The following TIAM1 variants were observed in gnomAD, a reference collection of about 807,000 sequenced individuals.
The protein encoded by TIAM1 is TIAM Rac1 associated GEF 1, also known as rho guanine nucleotide exchange factor TIAM1.
TIAM1 carries 65 observed loss-of-function variants against 163.5 expected under a neutral mutation model. The observed-to-expected ratio is 0.40, with a 90% CI of 0.33 to 0.49. The LOEUF is 0.49. TIAM1 is among the 20% of genes least tolerant of loss of function. TIAM1 has a pLI of 0.77. For synonymous variants in TIAM1, 833 were observed against 810.1 expected, an observed-to-expected ratio of 1.03 and a Z score of -0.48; for missense variants, 1,789 against 2,044.7, an observed-to-expected ratio of 0.87 and a Z score of 2.41.
chr21:31,345,892 G>C (rs1251186584), upstream of TIAM1, among the ~76,000 whole-genome samples: 3 of 152,196 alleles, frequency 2.0e-5, no homozygotes, highest in Non-Finnish European at 4.4e-5. Flanking sequence ...GGAGGTTGCA[G>C]TGAGCCAAGA....
At chr21:31,500,177 AAAAT>A (rs1475000368) in intron 1 of TIAM1, among the ~76,000 whole-genome samples, 1 of 152,100 alleles carries the variant, frequency 6.6e-6, no homozygotes, top group Non-Finnish European at 1.5e-5. Flanking sequence ...AAAATAAAAT[AAAAT>A]AAATAAAAAC....
intron 12 of TIAM1, among the ~76,000 whole-genome samples, chr21:31,196,517 T>G (rs9974671): frequency 6.8e-6 from 1 of 148,112 alleles, no homozygotes. Flanking sequence ...GATGGGGTTT[T>G]GCCATGTTGG....
At chr21:31,134,669 T>C (rs1389779651) in intron 23 of TIAM1, among the ~76,000 whole-genome samples, 1 of 152,020 alleles carries the variant, frequency 6.6e-6, no homozygotes, top group East Asian at 1.9e-4. Flanking sequence ...TGCCACCACA[T>C]CCAGCTAATT....
chr21:31,250,174 A>G (rs2071721574), intron 5 of TIAM1, among the ~76,000 whole-genome samples: 1 of 151,218 alleles, frequency 6.6e-6, no homozygotes, highest in Admixed American at 6.6e-5. Context: ...AAAAAAAAGA[A>G]AAAGATAATG....
chr21:31,268,724 C>A (rs115224935), intron 3 of TIAM1, among the ~76,000 whole-genome samples: 1 of 152,176 alleles, frequency 6.6e-6, no homozygotes, highest in East Asian at 1.9e-4. Context: ...AAGATAAAAA[C>A]GAAAAGATCA....
intron 2 of TIAM1, among the ~76,000 whole-genome samples, chr21:31,399,988 A>G (rs1403510081): frequency 1.3e-5 from 2 of 152,176 alleles, no homozygotes; most frequent in East Asian, 1.9e-4. Context: ...ACTCACACAT[A>G]TAAGTCAGAG....
At chr21:31,525,898 G>A (rs1485266267) in intron 1 of TIAM1, among the ~76,000 whole-genome samples, 1 of 151,940 alleles carries the variant, frequency 6.6e-6, no homozygotes, top group Non-Finnish European at 1.5e-5. Context: ...GCTGGGCTTG[G>A]TGGCGGGCGC....
intron 26 of TIAM1, among the ~76,000 whole-genome samples, chr21:31,125,501 T>C (rs113810275): frequency 0.035 from 5,349 of 152,330 alleles, 331 homozygotes; most frequent in African/African-American, 0.12. Flanking sequence ...TGTTGACCTC[T>C]GTCACCCAAC....
chr21:31,293,142 T>C (rs1488420031), intron 2 of TIAM1, among the ~76,000 whole-genome samples: 1 of 152,078 alleles, frequency 6.6e-6, no homozygotes, highest in African/African-American at 2.4e-5. Context: ...CTTTAAAGAA[T>C]TGGCTCATGC....
At chr21:31,408,352 G>A (rs1203826271) in intron 2 of TIAM1, among the ~76,000 whole-genome samples, 5 of 152,108 alleles carry the variant, frequency 3.3e-5, no homozygotes, top group Non-Finnish European at 7.4e-5. Flanking sequence ...TGATATCAAG[G>A]GGACAAGCCA....
At chr21:31,405,417 C>T (rs546119170) in intron 2 of TIAM1, among the ~76,000 whole-genome samples, 8 of 152,240 alleles carry the variant, frequency 5.3e-5, no homozygotes, top group East Asian at 1.9e-4. Context: ...CACCCTGGAC[C>T]GGTTCCTTTG....
chr21:31,228,220 TAAAAAAAAAAAAAAAAA>T lies in TIAM1; in HGVS notation c.1585-2287_1585-2271del, dbSNP rs71191197. The stretch of plus-strand genomic sequence containing the variant: ...GCCACCATGCCCGGCCTCCTTTTTT[TAAAAAAAAAAAAAAAAA>T]AAAAAAAAAAAAAAAAAAAAAAGGA... On this transcript the variant is annotated intron_variant, in intron 6 of 27. Coordinates refer to ENST00000541036, the MANE Select transcript of TIAM1 (RefSeq NM_001353694.2). Among the ~76,000 whole-genome samples the T allele has an allele frequency of 2.6e-3, 43 of 16,256 alleles. 2 individuals are homozygous for T. In the East Asian group the frequency reaches 0.036, roughly 14 times the overall value. 10.7% of individuals were successfully genotyped at this position (16,256 alleles called of 152,430 possible).
At chr21:31,185,637 TATG>T (rs1314175555) in intron 14 of TIAM1, among the ~76,000 whole-genome samples, 19 of 145,612 alleles carry the variant, frequency 1.3e-4, no homozygotes, top group Non-Finnish European at 1.9e-4. Flanking sequence ...TATATCATTA[TATG>T]ATAATTATAT....
At chr21:31,480,716 G>T (rs1056376082) in intron 1 of TIAM1, among the ~76,000 whole-genome samples, 3 of 152,082 alleles carry the variant, frequency 2.0e-5, no homozygotes, top group Non-Finnish European at 4.4e-5. Context: ...CAGACTGGGG[G>T]ATTCAACAAC....
chr21:31,450,732 G>A (rs941161776), intron 2 of TIAM1, among the ~76,000 whole-genome samples: 7 of 152,188 alleles, frequency 4.6e-5, no homozygotes, highest in Non-Finnish European at 8.8e-5. Flanking sequence ...GGCGAAACGC[G>A]TGCCTTACAT....
At chr21:31,142,641 AAAAAAG>A (rs1366758509) in intron 20 of TIAM1, among the ~76,000 whole-genome samples, 4 of 151,322 alleles carry the variant, frequency 2.6e-5, no homozygotes, top group Non-Finnish European at 4.4e-5. Context: ...AAAAAAAAAA[AAAAAAG>A]AAAGAAAAAA....
chr21:31,226,131 G>A (rs1410706673), intron 6 of TIAM1, among the ~76,000 whole-genome samples, 181 bp from the exon 7 acceptor site: 1 of 152,200 alleles, frequency 6.6e-6, no homozygotes, highest in African/African-American at 2.4e-5. Context: ...GTGAGTCTCA[G>A]GTCAGATGCC....
At chr21:31,278,062 T>A (rs1321353435) in intron 2 of TIAM1, among the ~76,000 whole-genome samples, 1 of 152,176 alleles carries the variant, frequency 6.6e-6, no homozygotes, top group Non-Finnish European at 1.5e-5. Context: ...CATGTCCCAC[T>A]CAATCTTCAG....
rs1009122656 is a variant in TIAM1, at chr21:31,508,932, T to C, written c.-421-44897A>G. Among the ~76,000 whole-genome samples, 50 of 152,104 alleles carry C rather than the reference T, an allele frequency of 3.3e-4. 2 individuals are homozygous for C. Among genetic ancestry groups the C allele is most frequent in the Non-Finnish European group, 7.4e-5 (5 of 68,026 alleles). On this transcript the variant is annotated intron_variant, in intron 1 of 28. Transcript: ENST00000286827. The stretch of plus-strand genomic sequence containing the variant: ...ACTTGCTGCAGGACATTTAGCAAAC[T>C]GGGCTGTGCTACGAACTCACCTGCC...
Sources: allele counts gnomAD v4.1 joint callset (sites outside exome capture counted in the v4.1 genomes callset), GRCh38; gene constraint gnomAD v4.1.1; transcripts MANE v1.5; gene names NCBI Gene and HGNC (gene_info 2026-07-23, HGNC 2026-07-21).